NAV2: variants seen among roughly 807,000 people sequenced by gnomAD.
NAV2 encodes the protein neuron navigator 2.
In NAV2, 54 loss-of-function variants were observed where a neutral mutation model predicts 223.2. The observed-to-expected ratio is 0.24, with a 90% CI of 0.19 to 0.30. The LOEUF is 0.30. Among genes scored for constraint, NAV2 ranks in the 10% least tolerant of loss-of-function variants. NAV2 has a pLI of 1.00. For synonymous variants in NAV2, 1,279 were observed against 1,239.3 expected (o/e 1.03, Z -0.67); for missense variants, 2,806 against 3,147.5 (o/e 0.89, Z 2.60).
intron 6 of NAV2, among the ~76,000 whole-genome samples, chr11:19,892,994 T>G (rs2041641997): frequency 6.6e-6 from 1 of 152,134 alleles, no homozygotes; most frequent in Non-Finnish European, 1.5e-5. Flanking sequence ...AGAAATAATG[T>G]GAGGGGAGTT....
intron 1 of NAV2, among the ~76,000 whole-genome samples, chr11:19,692,869 TA>T (rs2049220540): frequency 6.6e-6 from 1 of 152,220 alleles, no homozygotes; most frequent in South Asian, 2.1e-4. Flanking sequence ...AACAAGCTGA[TA>T]GCATATACAT....
At chr11:19,468,301 T>C (rs536563714) in intron 1 of NAV2, among the ~76,000 whole-genome samples, 2 of 152,266 alleles carry the variant, frequency 1.3e-5, no homozygotes, top group East Asian at 3.9e-4. Flanking sequence ...AACTGGGAGA[T>C]TTAAAGCAAC....
intron 29 of NAV2, 42 bp downstream of exon 29, chr11:20,093,241 A>G: frequency 7.6e-7 from 1 of 1,308,370 alleles, no homozygotes; most frequent in Non-Finnish European, 1.1e-6. Context: ...TCCCTCCCCC[A>G]GGTAGAACTA....
At chr11:19,699,490 T>G (rs895800198) in intron 1 of NAV2, among the ~76,000 whole-genome samples, 2 of 152,150 alleles carry the variant, frequency 1.3e-5, no homozygotes, top group South Asian at 4.1e-4. Context: ...GATACCAGTA[T>G]GAAGAGGTGG....
intron 1 of NAV2, among the ~76,000 whole-genome samples, chr11:19,631,352 C>T (rs1371424668): frequency 1.3e-5 from 2 of 151,764 alleles, no homozygotes; most frequent in Non-Finnish European, 2.9e-5. Flanking sequence ...TGAGAACATG[C>T]GGTGTTTGGT....
chr11:19,596,229 C>G (rs1465292568), intron 1 of NAV2, among the ~76,000 whole-genome samples: 1 of 152,198 alleles, frequency 6.6e-6, no homozygotes, highest in African/African-American at 2.4e-5. Flanking sequence ...TGTGCCCTTT[C>G]TGGCAAACCA....
chr11:20,049,231 G>C (rs1373070213), intron 15 of NAV2, 36 bp downstream of exon 15: 2 of 1,413,230 alleles, frequency 1.4e-6, no homozygotes, highest in Non-Finnish European at 1.9e-6. Flanking sequence ...TTCTCAGAAA[G>C]ACACCCTTCC....
chr11:20,030,165 A>G (rs1190912951), intron 11 of NAV2, among the ~76,000 whole-genome samples: 1 of 152,196 alleles, frequency 6.6e-6, no homozygotes, highest in Non-Finnish European at 1.5e-5. Context: ...CAACATTTTC[A>G]GAGCAATTTT....
chr11:19,430,345 A>T (rs1038194250), intron 1 of NAV2, among the ~76,000 whole-genome samples: 2 of 152,180 alleles, frequency 1.3e-5, no homozygotes, highest in African/African-American at 4.8e-5. Context: ...CTCTGCCCCT[A>T]AAGCTGACCC....
intron 1 of NAV2, among the ~76,000 whole-genome samples, chr11:19,402,638 C>T (rs1849734221): frequency 6.6e-6 from 1 of 152,200 alleles, no homozygotes; most frequent in African/African-American, 2.4e-5. Context: ...AACAACCCCT[C>T]GCACATAGCA....
intron 5 of NAV2, 97 bp downstream of exon 5, chr11:19,880,224 C>G: frequency 7.0e-7 from 1 of 1,425,850 alleles, no homozygotes; most frequent in Non-Finnish European, 9.3e-7. Flanking sequence ...TTCATTTGTG[C>G]TTCTTCAATG....
At chr11:19,979,499 A>G (rs974614486) in intron 10 of NAV2, among the ~76,000 whole-genome samples, 8 of 152,092 alleles carry the variant, frequency 5.3e-5, no homozygotes, top group Non-Finnish European at 7.4e-5. Context: ...TAGGTTATCC[A>G]TGTGTCTAGA....
intron 1 of NAV2, among the ~76,000 whole-genome samples, chr11:19,704,620 G>A (rs934925345): frequency 1.8e-4 from 28 of 152,148 alleles, no homozygotes; most frequent in African/African-American, 5.1e-4. Flanking sequence ...GCTTACCTTA[G>A]TCTCTGGCAC....
chr11:20,058,165 G>A (rs569852408), intron 19 of NAV2, among the ~76,000 whole-genome samples: 2 of 152,056 alleles, frequency 1.3e-5, no homozygotes, highest in Non-Finnish European at 2.9e-5. Context: ...TCCCAGTATT[G>A]CAGGAGCAGT....
At chr11:19,547,097 A>G (rs576155030) in intron 1 of NAV2, among the ~76,000 whole-genome samples, 5 of 152,272 alleles carry the variant, frequency 3.3e-5, no homozygotes, top group Admixed American at 2.0e-4. Context: ...CTGCCTACCC[A>G]CATCCAACAG....
intron 1 of NAV2, among the ~76,000 whole-genome samples, chr11:19,436,540 T>C (rs530329929): frequency 6.6e-6 from 1 of 152,276 alleles, no homozygotes; most frequent in East Asian, 1.9e-4. Flanking sequence ...TTTCCTTTGG[T>C]CAATATTGCT....
intron 1 of NAV2, chr11:19,505,563 A>C (rs1280697206): frequency 1.3e-5 from 2 of 152,216 alleles, no homozygotes; most frequent in Admixed American, 1.3e-4. Context: ...CGGGTCATGC[A>C]GATGGAGTGG....
chr11:19,630,922 CAAAAAA>C (rs10642100), intron 1 of NAV2, among the ~76,000 whole-genome samples: 7 of 100,166 alleles, frequency 7.0e-5, no homozygotes, highest in African/African-American at 1.3e-4. Flanking sequence ...GGTCCTGTTG[CAAAAAA>C]AAAAAAAAAG....
At chr11:20,014,395 C>A (rs1361280795) in intron 11 of NAV2, among the ~76,000 whole-genome samples, 1 of 152,174 alleles carries the variant, frequency 6.6e-6, no homozygotes, top group Non-Finnish European at 1.5e-5. Flanking sequence ...CCCTACAGCA[C>A]CCTTAATAAA....
Sources: gnomAD v4.1 joint callset for allele counts (sites outside exome capture counted in the v4.1 genomes callset) on GRCh38, gnomAD v4.1.1 for gene constraint, MANE v1.5 for transcripts, NCBI Gene and HGNC (gene_info 2026-07-23, HGNC 2026-07-21) for gene names.